Variants in CDC42BPA observed in about 807,000 individuals in gnomAD.
CDC42BPA encodes serine/threonine-protein kinase MRCK alpha.
In CDC42BPA, 80 loss-of-function variants were observed where a neutral mutation model predicts 223.5. That is an observed-to-expected ratio of 0.36 (90% CI 0.30 to 0.43). The LOEUF (loss-of-function observed/expected upper bound fraction) is 0.43. Among genes scored for constraint, CDC42BPA ranks in the 20% least tolerant of loss-of-function variants. The probability of loss-of-function intolerance (pLI) is 1.00; values close to 1 mark genes in which losing one functional copy is unlikely to be tolerated. For synonymous variants in CDC42BPA, 694 were observed against 718.6 expected (o/e 0.97, Z 0.55); for missense variants, 1,743 against 2,099.9 (o/e 0.83, Z 3.32).
At chr1:227,177,550 T>C (rs1482269284) in intron 5 of CDC42BPA, among the ~76,000 whole-genome samples, 2 of 152,198 alleles carry the variant, frequency 1.3e-5, no homozygotes, top group African/African-American at 4.8e-5. Context: ...TTCTGTACTT[T>C]GATTTTGATG....
chr1:227,169,208 A>T (rs975114278), intron 5 of CDC42BPA, among the ~76,000 whole-genome samples: 1 of 152,166 alleles, frequency 6.6e-6, no homozygotes, highest in African/African-American at 2.4e-5. Context: ...ATAGTTGTTA[A>T]CAGCCACTTA....
chr1:227,073,859 C>G lies in CDC42BPA; in HGVS notation c.2735+5G>C, dbSNP rs1336165441. On this transcript the variant is annotated splice_donor_5th_base_variant and intron_variant, in intron 19 of 36. Coordinates refer to ENST00000366766, the MANE Select transcript of CDC42BPA (RefSeq NM_001394014.1). ...TTCTAGTGGGACTATATGATTCAAT[C>G]TTACCATTCTGTTATGATATTAGAT... The G allele has an allele frequency of 1.3e-6, 2 of 1,564,820 alleles. No individual in the cohort carries two copies. The highest frequency in any genetic ancestry group is 8.6e-7 in the Non-Finnish European group (1 of 1,159,260).
intron 5 of CDC42BPA, among the ~76,000 whole-genome samples, chr1:227,168,155 C>A (rs1030078907): frequency 3.3e-5 from 5 of 152,126 alleles, no homozygotes; most frequent in Non-Finnish European, 7.4e-5. Flanking sequence ...AAACTCCTAA[C>A]CTCAAGTGAT....
In CDC42BPA at chr1:227,080,925, A is replaced by C. The variant is rs1680500506; in HGVS notation, c.2448T>G (p.His816Gln). 2.5e-6 allele frequency: 4 copies of C among 1,613,846 alleles called. No individual in the cohort carries two copies. Among genetic ancestry groups the C allele is most frequent in the Non-Finnish European group, 3.4e-6 (4 of 1,179,886 alleles). The change falls in exon 17 of 37, where the codon CAT becomes CAG. Residue 816 changes from histidine (H) to glutamine (Q), a missense_variant. By Grantham distance (24) the His-to-Gln change is conservative (BLOSUM62 0). This residue lies in a region of CDC42BPA where 464 missense variants were observed against 488.0 expected (regional missense o/e 0.95). Transcript: ENST00000366766. Reference sequence around the variant, plus strand: ...TTATTTCTGTGATTTGGGCTTCCCAATGTGCAACTGATTCTTTCTTGTCTG... The same window carrying C: ...TTATTTCTGTGATTTGGGCTTCCCACTGTGCAACTGATTCTTTCTTGTCTG... ...DLADKKESVAHWEAQITEIIQ... is the reference protein window; with the variant it reads ...DLADKKESVAQWEAQITEIIQ...
At chr1:227,093,664 A>G (rs917055666) in intron 15 of CDC42BPA, among the ~76,000 whole-genome samples, 1 of 152,164 alleles carries the variant, frequency 6.6e-6, no homozygotes, top group Admixed American at 6.5e-5. Context: ...ACTCCTGACC[A>G]AAGACTTTTG....
At chr1:227,179,963 T>G (rs1359144064) in intron 5 of CDC42BPA, among the ~76,000 whole-genome samples, 2 of 152,156 alleles carry the variant, frequency 1.3e-5, no homozygotes, top group Non-Finnish European at 2.9e-5. Context: ...ATCCCAGTAC[T>G]TTGGGAGGCC....
chr1:227,128,293 G>A (rs1656275526), intron 11 of CDC42BPA, among the ~76,000 whole-genome samples: 1 of 152,118 alleles, frequency 6.6e-6, no homozygotes, highest in African/African-American at 2.4e-5. Context: ...TTGCTAACAT[G>A]TCACCTTCTC....
At chr1:227,207,731 T>C (rs1232790416) in intron 3 of CDC42BPA, among the ~76,000 whole-genome samples, 2 of 148,694 alleles carry the variant, frequency 1.3e-5, no homozygotes, top group African/African-American at 5.0e-5. Flanking sequence ...TTCCATGGTG[T>C]ATATGTGCCA....
intron 1 of CDC42BPA, among the ~76,000 whole-genome samples, chr1:227,277,892 G>A (rs1277398301): frequency 6.6e-6 from 1 of 152,064 alleles, no homozygotes; most frequent in Non-Finnish European, 1.5e-5. Flanking sequence ...TAGGACTACA[G>A]GCACCCGCCA....
intron 1 of CDC42BPA, among the ~76,000 whole-genome samples, chr1:227,308,348 T>C (rs1185738739): frequency 6.6e-6 from 1 of 151,578 alleles, no homozygotes; most frequent in Admixed American, 6.6e-5. Flanking sequence ...TCTACTAAAA[T>C]ACAAGAAAAA....
intron 1 of CDC42BPA, among the ~76,000 whole-genome samples, chr1:227,274,001 A>C (rs1308121134): frequency 7.2e-6 from 1 of 138,852 alleles, no homozygotes; most frequent in Non-Finnish European, 1.5e-5. Context: ...ACACCAAAAA[A>C]AAAAAAAAAA....
chr1:227,127,208 T>A (rs1228646173), intron 11 of CDC42BPA, among the ~76,000 whole-genome samples: 9 of 152,198 alleles, frequency 5.9e-5, no homozygotes. Flanking sequence ...TTATTCTATA[T>A]ATACTGGGTT....
At chr1:227,179,457 A>T (rs1667528946) in intron 5 of CDC42BPA, among the ~76,000 whole-genome samples, 1 of 151,712 alleles carries the variant, frequency 6.6e-6, no homozygotes, top group Non-Finnish European at 1.5e-5. Context: ...TAACATGGTG[A>T]AACTCCGTCT....
intron 2 of CDC42BPA, 47 bp from the exon 3 acceptor site, chr1:227,213,266 T>C (rs761832201): frequency 4.0e-6 from 4 of 1,003,482 alleles, no homozygotes; most frequent in Admixed American, 4.7e-5. Flanking sequence ...TGACAAATAA[T>C]TTTTTCAGCC....
intron 14 of CDC42BPA, among the ~76,000 whole-genome samples, chr1:227,105,544 G>A (rs1175764789): frequency 1.3e-5 from 2 of 151,632 alleles, no homozygotes; most frequent in Non-Finnish European, 2.9e-5. Flanking sequence ...TGTAGAGATG[G>A]GGTCTCACTC....
Position 227,100,994 on chromosome 1 carries a change from T to A in CDC42BPA, c.2247A>T (p.Glu749Asp). The A allele has an allele frequency of 6.8e-7, 1 of 1,480,018 alleles. No homozygotes were observed. The highest frequency in any genetic ancestry group is 1.8e-5 in the Admixed American group (1 of 56,796). 91.7% of individuals were successfully genotyped at this position (1,480,018 alleles called of 1,614,324 possible). A position where few individuals can be genotyped will look rare whatever the true frequency, so the allele number is the denominator to read the frequency against. The change falls in exon 15 of 37, where the codon GAA becomes GAT. Residue 749 changes from glutamate to aspartate, a missense_variant and splice_region_variant. Around this residue, in one of 6 missense-constraint regions of CDC42BPA, gnomAD observed 464 missense variants for 488.0 expected, o/e 0.95. Coordinates refer to ENST00000366766, the MANE Select transcript of CDC42BPA (RefSeq NM_001394014.1). ...ATAGTAAATAATGTGATTCTTACCT[T>A]TCTCTTCTGGTTTTTTCCAATTTGT... ...LKDKLEKTRR[E>D]SQSEREEFES...
intron 6 of CDC42BPA, among the ~76,000 whole-genome samples, chr1:227,155,817 C>T (rs568854203): frequency 6.7e-4 from 102 of 152,188 alleles, no homozygotes; most frequent in African/African-American, 2.4e-3. Context: ...CAGGATTTAA[C>T]GAGGTATTGT....
chr1:227,186,226 A>T (rs543963229), intron 5 of CDC42BPA, among the ~76,000 whole-genome samples: 99 of 152,336 alleles, frequency 6.5e-4, no homozygotes, highest in African/African-American at 2.4e-3. Flanking sequence ...TTTACCACTA[A>T]GAGCTCAACC....
At chr1:227,283,892 C>T (rs925177864) in intron 1 of CDC42BPA, among the ~76,000 whole-genome samples, 5 of 152,002 alleles carry the variant, frequency 3.3e-5, no homozygotes, top group Non-Finnish European at 7.4e-5. Context: ...GCCATGTTGG[C>T]CGGGATTTTG....
Sources: allele counts gnomAD v4.1 joint callset (sites outside exome capture counted in the v4.1 genomes callset), GRCh38; gene constraint gnomAD v4.1.1; regional missense constraint gnomAD v4.1.1; transcripts MANE v1.5; gene names NCBI Gene and HGNC (gene_info 2026-07-23, HGNC 2026-07-21).